Variants in FAM117B observed in about 807,000 individuals in gnomAD.
FAM117B encodes family with sequence similarity 117 member B, also known as protein FAM117B.
In FAM117B, 22 loss-of-function variants were observed where a neutral mutation model predicts 52.8. The ratio of observed to expected loss-of-function variants is 0.42; its 90% CI spans 0.30 to 0.59. The LOEUF is 0.59. Ranked by LOEUF, FAM117B falls within the 20% of genes least tolerant of loss-of-function variation. The pLI is 0.22. For synonymous variants in FAM117B, 309 were observed against 324.1 expected (o/e 0.95, Z 0.50); for missense variants, 678 against 802.6 (o/e 0.84, Z 1.88).
intron 2 of FAM117B, among the ~76,000 whole-genome samples, chr2:202,724,151 G>A (rs1280800584): frequency 9.7e-5 from 13 of 134,664 alleles, no homozygotes; most frequent in African/African-American, 3.7e-4. Context: ...TCCACCTCCC[G>A]GGTTCAAGCG....
At chr2:202,725,300 T>A in intron 3 of FAM117B, 1 of 12,212 alleles carries the variant, frequency 8.2e-5, no homozygotes, top group East Asian at 1.3e-3. Context: ...ACATTTATTC[T>A]TTTTTTTTTT....
intron 2 of FAM117B, among the ~76,000 whole-genome samples, chr2:202,715,784 T>A (rs1691043205): frequency 6.6e-6 from 1 of 152,238 alleles, no homozygotes; most frequent in African/African-American, 2.4e-5. Flanking sequence ...CACTCCAGCC[T>A]GGGCACCATT....
At position 202,635,355 on chromosome 2, in the gene FAM117B, GAGC is replaced by G; in HGVS notation, c.169_171del (p.Ser57del). 7.3e-7 allele frequency: 1 copy of G among 1,377,208 alleles called. No homozygotes were observed. Among genetic ancestry groups the G allele is most frequent in the Non-Finnish European group, 9.4e-7 (1 of 1,066,404 alleles). The allele number at this position is 1,377,208 out of a possible 1,614,324, so 85.3% of individuals were successfully genotyped here. A position where few individuals can be genotyped will look rare whatever the true frequency, so the allele number is the denominator to read the frequency against. On this transcript the variant is annotated inframe_deletion, in exon 1 of 8. Coordinates refer to ENST00000392238, the MANE Select transcript of FAM117B (RefSeq NM_173511.4). ...AGCAGCAACATGGCAGCCCCACGCG[GAGC>G]GGCGGCGGCGGCGGCGGCAACAACA...
chr2:202,720,489 G>A (rs529590475), intron 2 of FAM117B, among the ~76,000 whole-genome samples: 7 of 151,478 alleles, frequency 4.6e-5, no homozygotes, highest in African/African-American at 1.7e-4. Context: ...ATTTTGATAT[G>A]TATCTCCTAA....
intron 1 of FAM117B, among the ~76,000 whole-genome samples, chr2:202,681,687 A>C (rs924862522): frequency 3.3e-5 from 5 of 152,252 alleles, no homozygotes; most frequent in Admixed American, 6.5e-5. Context: ...AGAAAATCAG[A>C]ATTTAGAACA....
At chr2:202,765,263 T>G (rs1691957192) in intron 7 of FAM117B, among the ~76,000 whole-genome samples, 183 bp from the exon 8 acceptor site, 1 of 152,014 alleles carries the variant, frequency 6.6e-6, no homozygotes, top group Non-Finnish European at 1.5e-5. Flanking sequence ...GAATCATATG[T>G]CAGATAGCAC....
intron 2 of FAM117B, among the ~76,000 whole-genome samples, chr2:202,714,677 G>C (rs1191114918): frequency 1.3e-5 from 2 of 151,608 alleles, no homozygotes; most frequent in East Asian, 3.9e-4. Flanking sequence ...AGGACCCTGC[G>C]GCCTTCCGCA....
intron 1 of FAM117B, among the ~76,000 whole-genome samples, chr2:202,654,064 A>AGT (rs1036772393): frequency 8.0e-5 from 8 of 100,428 alleles, no homozygotes; most frequent in Admixed American, 1.9e-4. Context: ...AGAGTGAGTG[A>AGT]GAGAGAGAGA....
chr2:202,637,201 T>C (rs1689700717), intron 1 of FAM117B, among the ~76,000 whole-genome samples: 1 of 152,108 alleles, frequency 6.6e-6, no homozygotes, highest in Non-Finnish European at 1.5e-5. Context: ...CCGGCCCGAA[T>C]AGTGTTTTCT....
Position 202,655,734 on chromosome 2 carries a change from G to C in FAM117B, c.601+19946G>C, listed in dbSNP as rs1047318951. Among the ~76,000 whole-genome samples, 239 of 149,086 alleles carry C rather than the reference G, an allele frequency of 1.6e-3. 2 individuals are homozygous for C. The highest frequency in any genetic ancestry group is 3.4e-3 in the South Asian group (16 of 4,688). On this transcript the variant is annotated intron_variant, in intron 1 of 7. Coordinates refer to ENST00000392238, the MANE Select transcript of FAM117B (RefSeq NM_173511.4). Reference sequence around the variant, plus strand: ...AGAGAGAGAGAGAGAGAGAGAGAGAGAGAGAGAGAGAGAGAGAGAGAGAGA... The same window carrying C: ...AGAGAGAGAGAGAGAGAGAGAGAGACAGAGAGAGAGAGAGAGAGAGAGAGA...
In FAM117B at chr2:202,635,310, C is replaced by CCAGCTGAAGCAG. The variant is rs1183117031; in HGVS notation, c.128_139dup (p.Leu43_Gln46dup). On this transcript the variant is annotated inframe_insertion, in exon 1 of 8. Coordinates refer to ENST00000392238, the MANE Select transcript of FAM117B (RefSeq NM_173511.4). ...AGCCCATGAGGGCGACGGTTCCGTTCCAGCTGAAGCAGCAGCAGCAGCAGC... is the reference window on the plus strand; with the variant it reads ...AGCCCATGAGGGCGACGGTTCCGTTCCAGCTGAAGCAGCAGCTGAAGCAGCAGCAGCAGCAGC... The CCAGCTGAAGCAG allele has an allele frequency of 1.4e-6, 2 of 1,416,544 alleles. No individual in the cohort carries two copies. The highest frequency in any genetic ancestry group is 1.8e-6 in the Non-Finnish European group (2 of 1,084,078). 87.7% of individuals were successfully genotyped at this position (1,416,544 alleles called of 1,614,324 possible).
intron 2 of FAM117B, among the ~76,000 whole-genome samples, chr2:202,716,799 TAAA>T (rs951144743): frequency 3.2e-4 from 49 of 152,338 alleles, no homozygotes; most frequent in African/African-American, 1.1e-3. Flanking sequence ...GTTCTACTAC[TAAA>T]AGACTCTAAT....
chr2:202,662,859 A>G (rs997288397), intron 1 of FAM117B, among the ~76,000 whole-genome samples: 4 of 152,160 alleles, frequency 2.6e-5, no homozygotes, highest in African/African-American at 9.7e-5. Flanking sequence ...AGAAGAAGAA[A>G]AAAAGAAATG....
intron 1 of FAM117B, among the ~76,000 whole-genome samples, chr2:202,669,899 A>G (rs1244561802): frequency 6.6e-6 from 1 of 152,242 alleles, no homozygotes; most frequent in African/African-American, 2.4e-5. Flanking sequence ...GAATGACAGT[A>G]GAACTGAAGA....
intron 2 of FAM117B, 124 bp downstream of exon 2, chr2:202,696,156 C>A: frequency 1.9e-6 from 2 of 1,071,426 alleles, no homozygotes; most frequent in Non-Finnish European, 2.5e-6. Flanking sequence ...GAGAAACTTA[C>A]CAAAAAGAGC....
intron 1 of FAM117B, among the ~76,000 whole-genome samples, chr2:202,677,638 C>G (rs1317048902): frequency 3.3e-5 from 5 of 152,192 alleles, no homozygotes; most frequent in Admixed American, 3.3e-4. Flanking sequence ...CTCTTACAAA[C>G]TAAGTGACAA....
intron 4 of FAM117B, among the ~76,000 whole-genome samples, chr2:202,744,945 C>T (rs1179144290): frequency 7.2e-6 from 1 of 138,326 alleles, no homozygotes; most frequent in Non-Finnish European, 1.5e-5. Context: ...CCACTGCACT[C>T]CAGCCTGGGT....
At chr2:202,669,354 G>A (rs924011646) in intron 1 of FAM117B, among the ~76,000 whole-genome samples, 3 of 152,056 alleles carry the variant, frequency 2.0e-5, no homozygotes, top group Admixed American at 1.3e-4. Context: ...GTGTGGGTGG[G>A]GCTACTTATT....
chr2:202,755,966 C>T (rs1022423168), intron 5 of FAM117B, among the ~76,000 whole-genome samples: 2 of 152,150 alleles, frequency 1.3e-5, no homozygotes, highest in Non-Finnish European at 2.9e-5. Flanking sequence ...TTTGCTGTAA[C>T]TCCAGTTAAC....
Sources: gnomAD v4.1 joint callset for allele counts (sites outside exome capture counted in the v4.1 genomes callset) on GRCh38, gnomAD v4.1.1 for gene constraint, MANE v1.5 for transcripts, NCBI Gene and HGNC (gene_info 2026-07-23, HGNC 2026-07-21) for gene names.